The following BRD1 variants were observed in gnomAD, a reference collection of about 807,000 sequenced individuals.
BRD1 encodes the protein bromodomain containing 1.
BRD1 carries 24 observed loss-of-function variants against 107.7 expected under a neutral mutation model. The observed-to-expected ratio is 0.22, with a 90% CI of 0.16 to 0.31. BRD1 has a LOEUF of 0.31. Ranked by LOEUF, BRD1 falls within the 10% of genes least tolerant of loss-of-function variation. BRD1 has a pLI of 1.00. For synonymous variants in BRD1, 744 were observed against 686.1 expected (o/e 1.08, Z -1.32); for missense variants, 1,279 against 1,638.6 (o/e 0.78, Z 3.79).
chr22:49,786,552 A>G (rs534218163), intron 8 of BRD1, among the ~76,000 whole-genome samples: 22 of 152,366 alleles, frequency 1.4e-4, no homozygotes, highest in African/African-American at 4.8e-4. Flanking sequence ...AGAGGGCCAC[A>G]TAAAACAATG....
At chr22:49,817,655 C>T (rs1038677558) in intron 2 of BRD1, 2 of 226,558 alleles carry the variant, frequency 8.8e-6, no homozygotes, top group African/African-American at 2.3e-5. Flanking sequence ...CCGGTACCAT[C>T]TGAGGACTGC....
intron 12 of BRD1, chr22:49,775,226 G>A: frequency 6.1e-6 from 1 of 164,860 alleles, no homozygotes; most frequent in Non-Finnish European, 1.3e-5. Context: ...GCCAGGCCCG[G>A]GCAGGGGCCA....
intron 2 of BRD1, among the ~76,000 whole-genome samples, chr22:49,818,881 G>A (rs1192813384): frequency 2.7e-5 from 4 of 150,824 alleles, no homozygotes; most frequent in Non-Finnish European, 4.4e-5. Flanking sequence ...GCAAGACTCC[G>A]TCTCAAAAAA....
At chr22:49,816,568 C>T (rs1003633161) in intron 2 of BRD1, among the ~76,000 whole-genome samples, 1 of 152,198 alleles carries the variant, frequency 6.6e-6, no homozygotes. Flanking sequence ...CATCTTTATT[C>T]CAGAGTCAAC....
chr22:49,776,425 G>C (rs80163071), intron 10 of BRD1, among the ~76,000 whole-genome samples: 3,144 of 152,304 alleles, frequency 0.021, 42 homozygotes, highest in Non-Finnish European at 0.031. Context: ...TCCAACTCCA[G>C]GTGCCCAGCA....
intron 1 of BRD1, among the ~76,000 whole-genome samples, chr22:49,825,194 C>T (rs1412401284): frequency 6.6e-6 from 1 of 152,146 alleles, no homozygotes; most frequent in Non-Finnish European, 1.5e-5. Context: ...CTGAGAGAAT[C>T]CAGACACATG....
At chr22:49,822,593 C>T (rs1163983181) in intron 2 of BRD1, among the ~76,000 whole-genome samples, 1 of 151,918 alleles carries the variant, frequency 6.6e-6, no homozygotes, top group Non-Finnish European at 1.5e-5. Context: ...GCCTGCAGTC[C>T]CAGCTACTCA....
chr22:49,790,200 C>T (rs2059407158), intron 7 of BRD1, among the ~76,000 whole-genome samples: 2 of 152,198 alleles, frequency 1.3e-5, no homozygotes, highest in South Asian at 4.1e-4. Context: ...CACAGAGGCC[C>T]CCGGACCGTT....
At position 49,783,115 on chromosome 22, in the gene BRD1, C is replaced by T. The variant is rs73892871; in HGVS notation, c.2857+4275G>A. The stretch of plus-strand genomic sequence containing the variant: ...CCAAGGCCCAGGCCAGACGCCTGCA[C>T]GAGACCTGCTCTTGCTGGGACCCAG... On this transcript the variant is annotated intron_variant, in intron 8 of 12. Coordinates refer to ENST00000404760, the MANE Select transcript of BRD1 (RefSeq NM_001304808.3). The surrounding 1 kb of genome is among the most constrained non-coding windows in gnomAD (Gnocchi z 4.2). Among the ~76,000 whole-genome samples the T allele has an allele frequency of 7.6e-3, 1,155 of 152,158 alleles. 11 individuals are homozygous for T. Among genetic ancestry groups the T allele is most frequent in the African/African-American group, 0.027 (1,108 of 41,510 alleles).
chr22:49,782,471 ACAGT>A (rs771349580), intron 8 of BRD1, among the ~76,000 whole-genome samples: 2 of 140,398 alleles, frequency 1.4e-5, no homozygotes, highest in Non-Finnish European at 3.1e-5. Flanking sequence ...GCCGCTGGGG[ACAGT>A]CAGAGACAGA....
intron 6 of BRD1, among the ~76,000 whole-genome samples, chr22:49,794,663 C>T (rs1028528439): frequency 6.6e-6 from 1 of 152,242 alleles, no homozygotes; most frequent in African/African-American, 2.4e-5. Context: ...GAGGCGCACG[C>T]TCCACCAACC....
chr22:49,801,316 G>A (rs745344382), intron 3 of BRD1, among the ~76,000 whole-genome samples: 4 of 152,234 alleles, frequency 2.6e-5, no homozygotes, highest in Non-Finnish European at 5.9e-5. Context: ...TATATGCGCA[G>A]CCAGCACAGA....
chr22:49,807,178 A>T (rs1174297735), intron 2 of BRD1: 1 of 152,216 alleles, frequency 6.6e-6, no homozygotes, highest in Non-Finnish European at 1.5e-5. Flanking sequence ...TAGGAAGACC[A>T]ATATTGTTAA....
intron 7 of BRD1, 145 bp downstream of exon 7, chr22:49,793,889 G>A: frequency 1.8e-6 from 2 of 1,128,134 alleles, no homozygotes; most frequent in Non-Finnish European, 2.5e-6. Flanking sequence ...AAGTGTTCCG[G>A]GATTTGTGAA....
chr22:49,817,719 A>T (rs1332716890), intron 2 of BRD1: 1 of 211,062 alleles, frequency 4.7e-6, no homozygotes, highest in African/African-American at 2.3e-5. Flanking sequence ...CCAGGGGTCA[A>T]TGTTTCTCTT....
chr22:49,777,783 C>T lies in BRD1; in HGVS notation c.2888G>A (p.Ser963Asn). 6.2e-7 allele frequency: 1 copy of T among 1,604,120 alleles called. No homozygotes were observed. The highest frequency in any genetic ancestry group is 8.5e-7 in the Non-Finnish European group (1 of 1,178,036). The change falls in exon 9 of 13, where the codon AGC (serine) becomes AAC (asparagine). Residue 963 changes from serine to asparagine, a missense_variant. This residue lies in a region of BRD1 where 263 missense variants were observed against 251.6 expected (regional missense o/e 1.05). Transcript: ENST00000404760. ...CAGGCCGCCGCCCGGCTCCTGCTCG[C>T]TCCTCGCACCCCCAAAGCCGTTGGT... ...GLTNGFGGAR[S>N]EQEPGGGLGR...
rs371576151 is a variant in BRD1, at chr22:49,777,767, G to A, written c.2904C>T (p.Gly968=). ...GTGTGGCCTTCCTCCCCAGGCCGCC[G>A]CCCGGCTCCTGCTCGCTCCTCGCAC... ...FGGARSEQEP[G]GGLGRKATPR... Residue 968 remains glycine (G), a synonymous_variant, in exon 9 of 13, where the codon GGC becomes GGT. Coordinates refer to ENST00000404760, the MANE Select transcript of BRD1 (RefSeq NM_001304808.3). 3.1e-5 allele frequency: 50 copies of A among 1,605,112 alleles called. No individual in the cohort carries two copies. Among genetic ancestry groups the A allele is most frequent in the South Asian group, 1.4e-4 (13 of 89,836 alleles).
intron 4 of BRD1, 32 bp downstream of exon 4, chr22:49,798,956 G>T: frequency 6.3e-7 from 1 of 1,577,062 alleles, no homozygotes; most frequent in Non-Finnish European, 8.6e-7. Flanking sequence ...GTGGCCAGTG[G>T]TGCACTCCAC....
chr22:49,827,728 C>T lies in BRD1; in HGVS notation c.-246G>A, dbSNP rs1482911433. On this transcript the variant is annotated 5_prime_UTR_variant, in exon 1 of 13. Coordinates refer to ENST00000404760, the MANE Select transcript of BRD1 (RefSeq NM_001304808.3). ...GCGGCGCGGGCTCGGGCTCGGGGCC[C>T]AGCTGGAGGCCCGGCTCGGGGGGCC... Among the ~76,000 whole-genome samples, 2 of 144,066 alleles carry T rather than the reference C, an allele frequency of 1.4e-5. No individual in the cohort carries two copies. Among genetic ancestry groups the T allele is most frequent in the African/African-American group, 5.0e-5 (2 of 40,224 alleles). The allele number at this position is 144,066 out of a possible 152,430, so 94.5% of individuals were successfully genotyped here.
Sources: gnomAD v4.1 joint callset for allele counts (sites outside exome capture counted in the v4.1 genomes callset) on GRCh38, gnomAD v4.1.1 for gene constraint, gnomAD v4.1.1 regional missense constraint, Gnocchi (gnomAD v3.1) non-coding constraint, MANE v1.5 for transcripts, NCBI Gene and HGNC (gene_info 2026-07-23, HGNC 2026-07-21) for gene names.